Variants in RHOBTB2 observed in about 807,000 individuals in gnomAD.
The protein encoded by RHOBTB2 is rho-related BTB domain-containing protein 2.
RHOBTB2 carries 39 observed loss-of-function variants against 66.5 expected under a neutral mutation model. That is an observed-to-expected ratio of 0.59 (90% CI 0.45 to 0.77). The LOEUF is 0.77. Among genes scored for constraint, RHOBTB2 ranks in the 30% least tolerant of loss-of-function variants. RHOBTB2 has a pLI of 0.00. For missense variants in RHOBTB2, 755 were observed against 999.1 expected, an observed-to-expected ratio of 0.76 and a Z score of 3.29; for synonymous variants, 390 against 395.0, an observed-to-expected ratio of 0.99 and a Z score of 0.15.
At chr8:22,968,789 TAA>T in the RHOBTB2 span, among the ~76,000 whole-genome samples, 1 of 150,918 alleles carries the variant, frequency 6.6e-6, no homozygotes, top group Non-Finnish European at 1.5e-5. Flanking sequence ...TGACTATTAA[TAA>T]AAAAAATCAG....
At chr8:22,969,947 T>C in the RHOBTB2 span, among the ~76,000 whole-genome samples, 1 of 152,224 alleles carries the variant, frequency 6.6e-6, no homozygotes, top group Non-Finnish European at 1.5e-5. Flanking sequence ...AGATGGGGTT[T>C]CCACATGTTG....
the RHOBTB2 span, among the ~76,000 whole-genome samples, chr8:22,954,594 A>G: frequency 1.3e-5 from 2 of 152,244 alleles, no homozygotes; most frequent in Non-Finnish European, 1.5e-5. Context: ...TGTTGAGACA[A>G]TTGGATTCAC....
chr8:22,980,972 C>A, the RHOBTB2 span, among the ~76,000 whole-genome samples: 1 of 152,166 alleles, frequency 6.6e-6, no homozygotes, highest in Non-Finnish European at 1.5e-5. Flanking sequence ...AAGAAAACAC[C>A]AAATTGCTTG....
At chr8:22,969,212 G>C in the RHOBTB2 span, among the ~76,000 whole-genome samples, 3 of 152,134 alleles carry the variant, frequency 2.0e-5, 1 homozygote, top group Admixed American at 6.5e-5. Flanking sequence ...ATCAGCTCTT[G>C]TGTGACTTAT....
chr8:22,974,097 C>A, the RHOBTB2 span, among the ~76,000 whole-genome samples: 2 of 152,130 alleles, frequency 1.3e-5, no homozygotes, highest in African/African-American at 2.4e-5. Context: ...CCAGAACGGG[C>A]CCAGCTCCCT....
chr8:23,014,154 C>T (rs190947028), intron 7 of RHOBTB2, among the ~76,000 whole-genome samples: 13 of 152,292 alleles, frequency 8.5e-5, no homozygotes, highest in Admixed American at 2.0e-4. Context: ...GATAAGATAC[C>T]TCATGAGTTT....
chr8:22,956,320 T>A, the RHOBTB2 span, among the ~76,000 whole-genome samples: 1 of 152,168 alleles, frequency 6.6e-6, no homozygotes, highest in Non-Finnish European at 1.5e-5. Context: ...TGAAATGTAA[T>A]CCCCATTGTT....
rs960644197 is a variant in RHOBTB2 at position 23,018,743 on chromosome 8, T to C, written c.*1274T>C. Reference sequence around the variant, plus strand: ...TCCCTTCCTTACCCTCAGAGAGTGCTTATGGTGGGTGTTTTTGCGGGGCTG... The same window carrying C: ...TCCCTTCCTTACCCTCAGAGAGTGCCTATGGTGGGTGTTTTTGCGGGGCTG... On this transcript the variant is annotated 3_prime_UTR_variant, in exon 10 of 10. Coordinates refer to ENST00000251822, the MANE Select transcript of RHOBTB2 (RefSeq NM_015178.3). 3.3e-5 allele frequency: 5 copies of C among 152,480 alleles called. No individual in the cohort carries two copies. Among genetic ancestry groups the C allele is most frequent in the African/African-American group, 9.7e-5 (4 of 41,440 alleles). The allele number at this position is 152,480 out of a possible 1,614,324, so 9.4% of individuals were successfully genotyped here.
At chr8:22,992,868 G>C (rs1161673742) in intron 2 of RHOBTB2, among the ~76,000 whole-genome samples, 1 of 152,234 alleles carries the variant, frequency 6.6e-6, no homozygotes, top group African/African-American at 2.4e-5. Context: ...CCAGGGTAGG[G>C]AGGACTGGGG....
At chr8:22,993,323 T>C (rs71515811) in intron 2 of RHOBTB2, among the ~76,000 whole-genome samples, 8 of 151,968 alleles carry the variant, frequency 5.3e-5, no homozygotes, top group African/African-American at 1.9e-4. Flanking sequence ...CTGCATCCGG[T>C]TCTACATGGG....
the RHOBTB2 span, among the ~76,000 whole-genome samples, chr8:22,973,044 C>T: frequency 2.0e-5 from 3 of 152,004 alleles, no homozygotes; most frequent in Admixed American, 1.3e-4. Flanking sequence ...CCTGACCTGG[C>T]TGGTGCTTCT....
chr8:22,958,353 A>C, the RHOBTB2 span, among the ~76,000 whole-genome samples: 29 of 152,342 alleles, frequency 1.9e-4, no homozygotes, highest in Non-Finnish European at 3.7e-4. Context: ...CAGGGTCAAC[A>C]TGAACTTTTG....
intron 7 of RHOBTB2, among the ~76,000 whole-genome samples, chr8:23,013,687 G>GTA: frequency 6.6e-6 from 1 of 151,850 alleles, no homozygotes; most frequent in Non-Finnish European, 1.5e-5. Context: ...GTAGAGACAG[G>GTA]GTTTCACCAT....
chr8:23,007,106 C>G lies in RHOBTB2; in HGVS notation c.861C>G (p.Thr287=), dbSNP rs1404961368. Residue 287 remains threonine, a synonymous_variant, in exon 5 of 10, where the codon ACC becomes ACG. Transcript: ENST00000251822. ...TTGCCCACAAGATCTACCTCTCCAC[C>G]TCTTCCTCCAAGTTCTATGACCTGT... ...RIFAHKIYLS[T]SSSKFYDLFL... The G allele has an allele frequency of 1.2e-6, 2 of 1,610,796 alleles. No individual in the cohort carries two copies. Among genetic ancestry groups the G allele is most frequent in the Non-Finnish European group, 1.7e-6 (2 of 1,179,776 alleles).
At chr8:22,968,776 AACTG>A in the RHOBTB2 span, among the ~76,000 whole-genome samples, 1 of 88,762 alleles carries the variant, frequency 1.1e-5, no homozygotes, top group African/African-American at 5.2e-5. Context: ...ACGCTGGGAC[AACTG>A]ACTATTAATA....
upstream of RHOBTB2, chr8:22,995,885 T>C (rs1266701588): frequency 6.5e-7 from 1 of 1,550,372 alleles, no homozygotes; most frequent in East Asian, 2.4e-5. Context: ...AAAGCGCGGT[T>C]AGTAGCCTGC....
At chr8:23,013,872 T>A (rs1356188187) in intron 7 of RHOBTB2, among the ~76,000 whole-genome samples, 1 of 152,244 alleles carries the variant, frequency 6.6e-6, no homozygotes, top group Non-Finnish European at 1.5e-5. Flanking sequence ...ATTGCAGTTA[T>A]CCTTGCTGAA....
At chr8:22,977,249 C>A in the RHOBTB2 span, among the ~76,000 whole-genome samples, 1 of 152,194 alleles carries the variant, frequency 6.6e-6, no homozygotes, top group Admixed American at 6.5e-5. Context: ...CTTCTCAGCA[C>A]CCAGCACTTT....
chr8:23,011,662 G>C (rs770001102), intron 7 of RHOBTB2, among the ~76,000 whole-genome samples: 2 of 152,332 alleles, frequency 1.3e-5, no homozygotes, highest in Admixed American at 1.3e-4. Flanking sequence ...GGTGAAGGGA[G>C]CCTGGGGCCA....
Sources: gnomAD v4.1 joint callset for allele counts (sites outside exome capture counted in the v4.1 genomes callset) on GRCh38, gnomAD v4.1.1 for gene constraint, MANE v1.5 for transcripts, NCBI Gene and HGNC (gene_info 2026-07-23, HGNC 2026-07-21) for gene names.